SDCCAG8: variants seen among roughly 807,000 people sequenced by gnomAD.
SDCCAG8 encodes SHH signaling and ciliogenesis regulator SDCCAG8, also known as serologically defined colon cancer antigen 8.
A neutral mutation model predicts 101.8 loss-of-function variants in SDCCAG8; 74 were observed. That is an observed-to-expected ratio of 0.73 (90% CI 0.60 to 0.88). The LOEUF (loss-of-function observed/expected upper bound fraction) is 0.88. Ranked by LOEUF, SDCCAG8 falls within the 40% of genes least tolerant of loss-of-function variation. The pLI is 0.00. For missense variants in SDCCAG8, 787 were observed against 822.6 expected (o/e 0.96, Z 0.53); for synonymous variants, 281 against 292.9 (o/e 0.96, Z 0.41).
chr1:243,413,818 CTTT>C (rs1231059771), intron 13 of SDCCAG8, among the ~76,000 whole-genome samples: 1 of 152,168 alleles, frequency 6.6e-6, no homozygotes, highest in Admixed American at 6.5e-5. Context: ...TAGCTGACTC[CTTT>C]AGCAGCACGG....
intron 17 of SDCCAG8, among the ~76,000 whole-genome samples, chr1:243,490,992 G>A (rs904967725): frequency 4.6e-5 from 7 of 152,324 alleles, no homozygotes; most frequent in South Asian, 2.1e-4. Flanking sequence ...GGGAGGGACC[G>A]TGACTCCTGG....
chr1:243,496,526 C>A lies in SDCCAG8; in HGVS notation c.2113-3230C>A, dbSNP rs2148310750. On this transcript the variant is annotated intron_variant, in intron 17 of 17. Transcript: ENST00000366541. ...GACTTGGCCAAACAGAGACAGCGTGCCAGTGAGCAGAGCGGACAGCAGGGG... is the reference window on the plus strand; with the variant it reads ...GACTTGGCCAAACAGAGACAGCGTGACAGTGAGCAGAGCGGACAGCAGGGG... Among the ~76,000 whole-genome samples, 2 of 152,308 alleles carry A rather than the reference C, an allele frequency of 1.3e-5. 1 individual carries two copies. The highest frequency in any genetic ancestry group is 4.1e-4 in the South Asian group (2 of 4,828).
At chr1:243,363,175 T>C (rs796868722) in intron 12 of SDCCAG8, among the ~76,000 whole-genome samples, 1 of 152,364 alleles carries the variant, frequency 6.6e-6, no homozygotes, top group African/African-American at 2.4e-5. Flanking sequence ...TGTAATTTGA[T>C]ATTTGCTGTT....
chr1:243,329,612 C>T (rs981058253), intron 9 of SDCCAG8, among the ~76,000 whole-genome samples: 1 of 152,074 alleles, frequency 6.6e-6, no homozygotes, highest in African/African-American at 2.4e-5. Context: ...ATAAGGGCCA[C>T]TGGAATAAGA....
chr1:243,284,826 AGT>A (rs1348358869), intron 4 of SDCCAG8, among the ~76,000 whole-genome samples: 1 of 151,682 alleles, frequency 6.6e-6, no homozygotes, highest in Non-Finnish European at 1.5e-5. Flanking sequence ...AAAACCTGGT[AGT>A]GTCCTGGAGA....
intron 1 of SDCCAG8, among the ~76,000 whole-genome samples, chr1:243,268,299 T>A (rs1572859978): frequency 6.6e-6 from 1 of 152,238 alleles, no homozygotes; most frequent in East Asian, 1.9e-4. Context: ...TTGCTTATCA[T>A]GTAACACTTT....
At chr1:243,356,266 T>A (rs1229162551) in intron 12 of SDCCAG8, among the ~76,000 whole-genome samples, 5 of 152,192 alleles carry the variant, frequency 3.3e-5, no homozygotes, top group African/African-American at 1.2e-4. Flanking sequence ...TTACTGTGAC[T>A]TACTAATGAT....
At chr1:243,498,376 A>G (rs1004768596) in intron 17 of SDCCAG8, among the ~76,000 whole-genome samples, 2 of 152,156 alleles carry the variant, frequency 1.3e-5, no homozygotes, top group South Asian at 2.1e-4. Context: ...AGAACAAAGC[A>G]TCCCGTGGGC....
At chr1:243,356,424 G>GT (rs926182802) in intron 12 of SDCCAG8, among the ~76,000 whole-genome samples, 4 of 150,594 alleles carry the variant, frequency 2.7e-5, no homozygotes, top group South Asian at 2.1e-4. Context: ...TAGTGGCGGG[G>GT]GGGTGGTGGG....
chr1:243,302,892 T>C (rs2071675439), intron 6 of SDCCAG8, among the ~76,000 whole-genome samples: 1 of 152,194 alleles, frequency 6.6e-6, no homozygotes, highest in Admixed American at 6.5e-5. Flanking sequence ...GATTACAGCA[T>C]TGAAAATGCC....
At chr1:243,261,847 C>G (rs897035406) in intron 1 of SDCCAG8, among the ~76,000 whole-genome samples, 2 of 149,022 alleles carry the variant, frequency 1.3e-5, no homozygotes, top group Non-Finnish European at 1.5e-5. Flanking sequence ...ATTCATGTGG[C>G]TTTTCTTTTT....
intron 16 of SDCCAG8, among the ~76,000 whole-genome samples, chr1:243,434,189 C>T (rs909865565): frequency 1.3e-5 from 2 of 152,178 alleles, no homozygotes; most frequent in Non-Finnish European, 2.9e-5. Flanking sequence ...ATAATGGTTT[C>T]CCAGTAACTA....
intron 16 of SDCCAG8, among the ~76,000 whole-genome samples, chr1:243,485,089 A>C (rs1664536607): frequency 6.6e-6 from 1 of 151,864 alleles, no homozygotes; most frequent in African/African-American, 2.4e-5. Flanking sequence ...GGTGTTTAGC[A>C]AGGCTTGGTT....
intron 16 of SDCCAG8, among the ~76,000 whole-genome samples, chr1:243,468,956 TCTA>T (rs1260294371): frequency 2.6e-5 from 4 of 152,204 alleles, no homozygotes; most frequent in Non-Finnish European, 4.4e-5. Flanking sequence ...TTACTGAGGA[TCTA>T]CTAAGCACCA....
intron 7 of SDCCAG8, chr1:243,307,303 T>A: frequency 4.2e-6 from 1 of 238,468 alleles, no homozygotes; most frequent in Non-Finnish European, 6.3e-6. Context: ...CAGCCCTTTC[T>A]TTAGCAGCCT....
At chr1:243,304,238 C>A (rs1464754657) in intron 6 of SDCCAG8, among the ~76,000 whole-genome samples, 2 of 152,198 alleles carry the variant, frequency 1.3e-5, no homozygotes, top group African/African-American at 4.8e-5. Flanking sequence ...CTTAGATACA[C>A]AATAAATATT....
At chr1:243,498,888 T>C (rs12406958) in intron 17 of SDCCAG8, among the ~76,000 whole-genome samples, 27,761 of 152,248 alleles carry the variant, frequency 0.18, 2,783 homozygotes, top group East Asian at 0.28. Context: ...CGTCCCAATT[T>C]ATCTGACGTA....
In SDCCAG8 at chr1:243,497,345, G is replaced by GC. The variant is rs1216755341; in HGVS notation, c.2113-2411_2113-2410insC. Among the ~76,000 whole-genome samples the GC allele has an allele frequency of 7.1e-5, 10 of 141,098 alleles. No individual in the cohort carries two copies. In the East Asian group the frequency reaches 1.9e-3, roughly 27 times the overall value. 92.6% of individuals were successfully genotyped at this position (141,098 alleles called of 152,430 possible). ...ACGGCTGTAGGCACGGGTGGGGGGGGGGGCGTTGAGCAGTGAACGGTAAGT... is the reference window on the plus strand; with the variant it reads ...ACGGCTGTAGGCACGGGTGGGGGGGGCGGGCGTTGAGCAGTGAACGGTAAGT... On this transcript the variant is annotated intron_variant, in intron 17 of 17. Transcript: ENST00000366541.
At chr1:243,441,114 A>G (rs564431836) in intron 16 of SDCCAG8, among the ~76,000 whole-genome samples, 5 of 152,234 alleles carry the variant, frequency 3.3e-5, no homozygotes, top group Non-Finnish European at 7.3e-5. Flanking sequence ...TTGTATGAAT[A>G]TAGAAAAACA....
Sources: gnomAD v4.1 joint callset for allele counts (sites outside exome capture counted in the v4.1 genomes callset) on GRCh38, gnomAD v4.1.1 for gene constraint, MANE v1.5 for transcripts, NCBI Gene and HGNC (gene_info 2026-07-23, HGNC 2026-07-21) for gene names.